The following SNX7 variants were observed in gnomAD, a reference collection of about 807,000 sequenced individuals.
SNX7 encodes the protein sorting nexin-7.
Under a neutral mutation model 48.4 loss-of-function variants are expected in SNX7, and 35 were observed. The observed-to-expected ratio is 0.72, with a 90% confidence interval of 0.55 to 0.96. The LOEUF (loss-of-function observed/expected upper bound fraction) is 0.96, where lower values mean the gene tolerates loss of function less well. Ranked by LOEUF, SNX7 falls within the 40% of genes least tolerant of loss-of-function variation. The probability of loss-of-function intolerance (pLI) is 0.00; values close to 1 mark genes in which losing one functional copy is unlikely to be tolerated. For synonymous variants in SNX7, 190 were observed against 190.2 expected, an observed-to-expected ratio of 1.00 and a Z score of 0.01; for missense variants, 553 against 548.9, an observed-to-expected ratio of 1.01 and a Z score of -0.07.
intron 1 of SNX7, among the ~76,000 whole-genome samples, chr1:98,667,739 C>T (rs918438984): frequency 2.0e-5 from 3 of 152,054 alleles, no homozygotes; most frequent in Non-Finnish European, 2.9e-5. Flanking sequence ...GCACTGCTTA[C>T]TAGTATTATT....
intron 8 of SNX7, 73 bp downstream of exon 8, chr1:98,738,462 A>G (rs1653907231): frequency 7.0e-7 from 1 of 1,437,214 alleles, no homozygotes; most frequent in Non-Finnish European, 9.6e-7. Flanking sequence ...TCCAATGTTG[A>G]AAGAGTGTAT....
chr1:98,685,378 A>T (rs1461946342), intron 2 of SNX7, among the ~76,000 whole-genome samples: 4 of 152,150 alleles, frequency 2.6e-5, no homozygotes, highest in African/African-American at 9.7e-5. Flanking sequence ...ATGGGCCTCA[A>T]GTTGTTAATA....
rs145912575 is a variant in SNX7, at chr1:98,739,151, G to A, written c.1278+762G>A. The stretch of plus-strand genomic sequence containing the variant: ...TTAGTTAAATTGTCATAAGGAGCAC[G>A]CAACTTAGATCCCTTACATGCGCAG... On this transcript the variant is annotated intron_variant, in intron 8 of 8. Transcript: ENST00000306121. 1.7e-3 allele frequency among the ~76,000 whole-genome samples: 259 copies of A among 152,118 alleles called. 3 individuals are homozygous for A. The highest frequency in any genetic ancestry group is 5.8e-3 in the African/African-American group (241 of 41,498).
chr1:98,728,726 T>G (rs1434264802), intron 7 of SNX7, among the ~76,000 whole-genome samples: 1 of 152,154 alleles, frequency 6.6e-6, no homozygotes, highest in Non-Finnish European at 1.5e-5. Context: ...AAAGGGTTCA[T>G]TTCAGCAAGA....
At chr1:98,698,198 G>A (rs1651559440) in intron 5 of SNX7, among the ~76,000 whole-genome samples, 1 of 152,082 alleles carries the variant, frequency 6.6e-6, no homozygotes, top group Non-Finnish European at 1.5e-5. Flanking sequence ...ATAGGTAGAT[G>A]GATAGTTTAA....
At chr1:98,679,447 A>G (rs1247790967) in intron 1 of SNX7, among the ~76,000 whole-genome samples, 1 of 152,062 alleles carries the variant, frequency 6.6e-6, no homozygotes, top group African/African-American at 2.4e-5. Flanking sequence ...CATATCAAAA[A>G]CAATCATGCC....
chr1:98,692,093 T>C (rs1483456698), intron 4 of SNX7, among the ~76,000 whole-genome samples: 2 of 152,070 alleles, frequency 1.3e-5, no homozygotes, highest in Non-Finnish European at 1.5e-5. Flanking sequence ...CAACCCCTTA[T>C]GAAATTGAAA....
Position 98,710,418 on chromosome 1 carries a change from C to G in SNX7, c.1125+8515C>G, listed in dbSNP as rs552131929. On this transcript the variant is annotated intron_variant, in intron 7 of 8. Coordinates refer to ENST00000306121, the MANE Select transcript of SNX7 (RefSeq NM_015976.5). ...ATAATTTCTAACGAAAGACTAAGCT[C>G]TGTGTCTTTCTCTAGGAAGATTTTT... Among the ~76,000 whole-genome samples, 16 of 151,906 alleles carry G rather than the reference C, an allele frequency of 1.1e-4. No homozygotes were observed. In the South Asian group the frequency reaches 2.7e-3, roughly 26 times the overall value.
intron 4 of SNX7, among the ~76,000 whole-genome samples, chr1:98,694,734 A>T (rs1651355102): frequency 6.7e-6 from 1 of 148,948 alleles, no homozygotes; most frequent in East Asian, 2.0e-4. Context: ...CAGCCTCCCA[A>T]GTAGCTGGGA....
intron 7 of SNX7, among the ~76,000 whole-genome samples, chr1:98,716,453 G>A (rs1652595796): frequency 6.6e-6 from 1 of 152,156 alleles, no homozygotes; most frequent in South Asian, 2.1e-4. Flanking sequence ...AACCTTTAGA[G>A]CTGAGTTGTT....
intron 6 of SNX7, 26 bp downstream of exon 6, chr1:98,698,931 C>A (rs1346704189): frequency 6.2e-7 from 1 of 1,604,830 alleles, no homozygotes; most frequent in African/African-American, 1.3e-5. Context: ...TCTAATTTTA[C>A]CTCAGTCCCT....
At chr1:98,744,896 G>A (rs985846156) in intron 8 of SNX7, among the ~76,000 whole-genome samples, 5 of 151,930 alleles carry the variant, frequency 3.3e-5, no homozygotes, top group African/African-American at 1.2e-4. Flanking sequence ...ACTCATAGAA[G>A]GAAGACTGAC....
chr1:98,691,039 A>G (rs1195866463), intron 2 of SNX7, 36 bp from the exon 3 acceptor site: 2 of 1,405,366 alleles, frequency 1.4e-6, no homozygotes, highest in Non-Finnish European at 2.0e-6. Context: ...TCTATCTTAT[A>G]TTGCATGTGC....
chr1:98,673,326 A>G (rs1461199414), intron 1 of SNX7, among the ~76,000 whole-genome samples: 1 of 152,036 alleles, frequency 6.6e-6, no homozygotes, highest in African/African-American at 2.4e-5. Context: ...CCTGCTCTCC[A>G]AGTGTTTTGT....
chr1:98,661,946 C>A, intron 1 of SNX7, 35 bp downstream of exon 1: 1 of 1,245,856 alleles, frequency 8.0e-7, no homozygotes, highest in Non-Finnish European at 1.0e-6. Flanking sequence ...GGGAAACTTC[C>A]AAGGCAACTC....
chr1:98,710,886 G>T (rs780897875), intron 7 of SNX7, among the ~76,000 whole-genome samples: 40 of 152,092 alleles, frequency 2.6e-4, no homozygotes, highest in Non-Finnish European at 4.6e-4. Context: ...TACGCTTAAA[G>T]AATTTTTTTT....
intron 7 of SNX7, among the ~76,000 whole-genome samples, chr1:98,712,826 T>C (rs1006200087): frequency 3.3e-5 from 5 of 152,026 alleles, no homozygotes; most frequent in Admixed American, 6.6e-5. Context: ...GCACAGTGGC[T>C]CACACCTGTA....
intron 8 of SNX7, among the ~76,000 whole-genome samples, chr1:98,746,578 G>T (rs1193668248): frequency 2.0e-5 from 3 of 152,060 alleles, no homozygotes; most frequent in Non-Finnish European, 4.4e-5. Flanking sequence ...ACATGATAGA[G>T]ATATAAGATT....
At chr1:98,723,186 C>A (rs578040680) in intron 7 of SNX7, among the ~76,000 whole-genome samples, 2 of 152,204 alleles carry the variant, frequency 1.3e-5, no homozygotes, top group South Asian at 4.1e-4. Flanking sequence ...ACAAAAAGAA[C>A]AACAACCCTG....
Sources: gnomAD v4.1 joint callset for allele counts (sites outside exome capture counted in the v4.1 genomes callset) on GRCh38, gnomAD v4.1.1 for gene constraint, MANE v1.5 for transcripts, NCBI Gene and HGNC (gene_info 2026-07-23, HGNC 2026-07-21) for gene names.